Variants in CADPS observed in about 807,000 individuals in gnomAD.
CADPS encodes calcium dependent secretion activator.
In CADPS, 57 loss-of-function variants were observed where a neutral mutation model predicts 167.3. The ratio of observed to expected loss-of-function variants is 0.34; its 90% CI spans 0.28 to 0.42. The LOEUF (loss-of-function observed/expected upper bound fraction) is 0.42, where lower values mean the gene tolerates loss of function less well. Among genes scored for constraint, CADPS ranks in the 20% least tolerant of loss-of-function variants. CADPS has a pLI of 1.00. For synonymous variants in CADPS, 676 were observed against 635.3 expected (o/e 1.06, Z -0.96); for missense variants, 1,414 against 1,738.1 (o/e 0.81, Z 3.32).
intron 7 of CADPS, 129 bp downstream of exon 7, chr3:62,592,507 GT>G (rs2086281709): frequency 1.5e-6 from 1 of 681,178 alleles, no homozygotes; most frequent in African/African-American, 1.8e-5. Context: ...GTAGAGTGGA[GT>G]CCAGGACTTA....
intron 2 of CADPS, among the ~76,000 whole-genome samples, chr3:62,765,328 T>C (rs1264773240): frequency 6.6e-6 from 1 of 152,170 alleles, no homozygotes; most frequent in Admixed American, 6.5e-5. Context: ...TTCTCTCTTT[T>C]GTAGATTTTC....
intron 6 of CADPS, among the ~76,000 whole-genome samples, chr3:62,621,082 A>G (rs2063098447): frequency 6.6e-6 from 1 of 152,108 alleles, no homozygotes; most frequent in East Asian, 1.9e-4. Flanking sequence ...CTGTTATTTA[A>G]TCTGTATCCA....
At chr3:62,864,024 G>A (rs1478890272) in intron 1 of CADPS, among the ~76,000 whole-genome samples, 1 of 152,126 alleles carries the variant, frequency 6.6e-6, no homozygotes, top group Non-Finnish European at 1.5e-5. Context: ...ACTTCTTATT[G>A]GCCCTCACTG....
rs538530616 is a variant in CADPS at position 62,419,298 on chromosome 3, G to C, written c.3778-16113C>G. Among the ~76,000 whole-genome samples, 4 of 152,260 alleles carry C rather than the reference G, an allele frequency of 2.6e-5. No individual in the cohort carries two copies. The South Asian group carries it at 8.3e-4, about 32-fold the overall frequency. On this transcript the variant is annotated intron_variant, in intron 28 of 29. Coordinates refer to ENST00000383710, the MANE Select transcript of CADPS (RefSeq NM_003716.4). The stretch of plus-strand genomic sequence containing the variant: ...TTTGGGCATTAACAAACTGACCACT[G>C]TTAACAATACCTTTTTCCTAGGGCC...
chr3:62,729,409 G>A (rs1054603255), intron 3 of CADPS, among the ~76,000 whole-genome samples: 1 of 151,778 alleles, frequency 6.6e-6, no homozygotes, highest in South Asian at 2.1e-4. Flanking sequence ...AGGTTAGAGG[G>A]GAGATGACTT....
intron 6 of CADPS, among the ~76,000 whole-genome samples, chr3:62,603,666 C>T (rs2060283932): frequency 6.6e-6 from 1 of 152,082 alleles, no homozygotes; most frequent in Admixed American, 6.6e-5. Context: ...CCTTTTGATT[C>T]TTTCTTAGAG....
At chr3:62,822,719 G>A (rs573845521) in intron 1 of CADPS, among the ~76,000 whole-genome samples, 2 of 152,232 alleles carry the variant, frequency 1.3e-5, no homozygotes, top group South Asian at 4.1e-4. Flanking sequence ...GCGCATGCCT[G>A]TAATCCCTGC....
At chr3:62,671,711 C>A (rs139161064) in intron 3 of CADPS, among the ~76,000 whole-genome samples, 10 of 152,172 alleles carry the variant, frequency 6.6e-5, no homozygotes, top group African/African-American at 2.4e-4. Flanking sequence ...TGAGGCTGCA[C>A]CTGGACCAAA....
intron 3 of CADPS, among the ~76,000 whole-genome samples, chr3:62,687,059 A>G (rs1349071280): frequency 2.6e-5 from 4 of 152,160 alleles, no homozygotes; most frequent in Non-Finnish European, 5.9e-5. Flanking sequence ...GCCTGGGAAC[A>G]GCCACAAGCA....
intron 3 of CADPS, among the ~76,000 whole-genome samples, chr3:62,719,826 C>T (rs2075385016): frequency 6.6e-6 from 1 of 152,188 alleles, no homozygotes; most frequent in African/African-American, 2.4e-5. Context: ...TAGGATTTGA[C>T]TACTTTTAAC....
chr3:62,724,972 T>A (rs1391676646), intron 3 of CADPS, among the ~76,000 whole-genome samples: 1 of 152,184 alleles, frequency 6.6e-6, no homozygotes, highest in Admixed American at 6.5e-5. Context: ...CATGTCTGAC[T>A]GTAGTGAGAG....
chr3:62,628,923 C>A (rs1579156558), intron 6 of CADPS, among the ~76,000 whole-genome samples: 2 of 152,064 alleles, frequency 1.3e-5, no homozygotes, highest in African/African-American at 4.8e-5. Context: ...CCACGCCTGG[C>A]CAACCATGAG....
chr3:62,545,200 C>A (rs1253101370), intron 11 of CADPS, among the ~76,000 whole-genome samples: 2 of 152,038 alleles, frequency 1.3e-5, no homozygotes, highest in Non-Finnish European at 2.9e-5. Context: ...ATTAAATAAC[C>A]ATTGATCAAA....
chr3:62,573,389 C>G (rs1202834814), intron 8 of CADPS, among the ~76,000 whole-genome samples: 2 of 152,086 alleles, frequency 1.3e-5, no homozygotes, highest in Non-Finnish European at 2.9e-5. Flanking sequence ...ATGGGGAAGG[C>G]CAATTGTATT....
chr3:62,411,028 C>A (rs1427352531), intron 28 of CADPS, among the ~76,000 whole-genome samples: 2 of 152,044 alleles, frequency 1.3e-5, no homozygotes, highest in Non-Finnish European at 2.9e-5. Flanking sequence ...TTGCTTGAGC[C>A]CAGGGGTTTG....
chr3:62,678,589 G>T lies in CADPS; in HGVS notation c.889-16195C>A, dbSNP rs567853080. 3.2e-3 allele frequency among the ~76,000 whole-genome samples: 481 copies of T among 152,144 alleles called. 2 individuals are homozygous for T. Among genetic ancestry groups the T allele is most frequent in the Non-Finnish European group, 6.1e-3 (415 of 67,978 alleles). On this transcript the variant is annotated intron_variant, in intron 3 of 29. Coordinates refer to ENST00000383710, the MANE Select transcript of CADPS (RefSeq NM_003716.4). Reference sequence around the variant, plus strand: ...TTTTACAGAAGAACATCTTAAGCCAGTTTCTCTTCCCTGATAAGTGAGGGA... The same window carrying T: ...TTTTACAGAAGAACATCTTAAGCCATTTTCTCTTCCCTGATAAGTGAGGGA...
intron 3 of CADPS, among the ~76,000 whole-genome samples, chr3:62,686,396 G>T (rs1480342847): frequency 6.6e-6 from 1 of 152,044 alleles, no homozygotes; most frequent in Non-Finnish European, 1.5e-5. Context: ...GACATCAGTG[G>T]ACAGAAAGGC....
intron 1 of CADPS, among the ~76,000 whole-genome samples, chr3:62,836,996 G>T (rs2075990980): frequency 6.6e-6 from 1 of 152,080 alleles, no homozygotes; most frequent in African/African-American, 2.4e-5. Context: ...CAATATTTTT[G>T]TAGGTAACTC....
intron 6 of CADPS, among the ~76,000 whole-genome samples, chr3:62,636,789 T>C (rs1433270873): frequency 6.6e-6 from 1 of 152,212 alleles, no homozygotes; most frequent in Non-Finnish European, 1.5e-5. Flanking sequence ...AGACGACTCA[T>C]GGAGGATGTT....
Sources: gnomAD v4.1 joint callset for allele counts (sites outside exome capture counted in the v4.1 genomes callset) on GRCh38, gnomAD v4.1.1 for gene constraint, MANE v1.5 for transcripts, NCBI Gene and HGNC (gene_info 2026-07-23, HGNC 2026-07-21) for gene names.